PCDHA7: variants seen among roughly 807,000 people sequenced by gnomAD.
PCDHA7 encodes protocadherin alpha-7.
In PCDHA7, 37 loss-of-function variants were observed where a neutral mutation model predicts 57.2. The observed-to-expected ratio is 0.65, with a 90% CI of 0.50 to 0.85. The LOEUF (loss-of-function observed/expected upper bound fraction) is 0.85. Among genes scored for constraint, PCDHA7 ranks in the 40% least tolerant of loss-of-function variants. The probability of loss-of-function intolerance (pLI) is 0.00; values close to 1 mark genes in which losing one functional copy is unlikely to be tolerated. For synonymous variants in PCDHA7, 553 were observed against 558.8 expected, an observed-to-expected ratio of 0.99 and a Z score of 0.15; for missense variants, 1,188 against 1,241.8, an observed-to-expected ratio of 0.96 and a Z score of 0.65.
intron 1 of PCDHA7, among the ~76,000 whole-genome samples, chr5:140,873,178 T>C (rs2054146585): frequency 6.6e-6 from 1 of 152,190 alleles, no homozygotes; most frequent in Non-Finnish European, 1.5e-5. Context: ...TTTTGTATCA[T>C]AATATTCATT....
intron 1 of PCDHA7, among the ~76,000 whole-genome samples, chr5:140,905,582 A>C (rs1281901890): frequency 1.3e-5 from 2 of 152,068 alleles, no homozygotes; most frequent in South Asian, 2.1e-4. Flanking sequence ...AATGATAATG[A>C]TATTTTGCTG....
intron 1 of PCDHA7, among the ~76,000 whole-genome samples, chr5:140,943,257 CA>C (rs1238620023): frequency 1.6e-3 from 121 of 77,534 alleles, no homozygotes; most frequent in Middle Eastern, 7.2e-3. Flanking sequence ...GACTCTGTCT[CA>C]AAAAAAAAAA....
intron 3 of PCDHA7, among the ~76,000 whole-genome samples, chr5:140,996,253 A>C (rs2153938437): frequency 6.6e-6 from 1 of 152,370 alleles, no homozygotes; most frequent in African/African-American, 2.4e-5. Flanking sequence ...AAGTGACAGC[A>C]ACACAGAGCC....
intron 1 of PCDHA7, among the ~76,000 whole-genome samples, chr5:140,913,425 G>A (rs919355007): frequency 1.1e-4 from 16 of 152,094 alleles, no homozygotes; most frequent in African/African-American, 1.2e-4. Context: ...AGTATCAGTT[G>A]TAATGCCTCC....
At chr5:140,888,108 T>C (rs1554183322) in intron 1 of PCDHA7, among the ~76,000 whole-genome samples, 1 of 152,248 alleles carries the variant, frequency 6.6e-6, no homozygotes, top group Non-Finnish European at 1.5e-5. Flanking sequence ...CTTCTTTTAA[T>C]CTATCTTCTT....
rs1160090879 is a variant in PCDHA7 at position 140,834,806 on chromosome 5, C to T, written c.423C>T (p.Phe141=). 3 of 1,612,728 alleles carry T rather than the reference C, an allele frequency of 1.9e-6. No homozygotes were observed. Among genetic ancestry groups the T allele is most frequent in the African/African-American group, 1.3e-5 (1 of 74,502 alleles). Residue 141 remains phenylalanine (F), a synonymous_variant, in exon 1 of 4, where the codon TTC becomes TTT. Coordinates refer to ENST00000525929, the MANE Select transcript of PCDHA7 (RefSeq NM_018910.3). ...PVFPATQRNL[F]IAESRPLDSR... is the part of the protein sequence containing the mutation. ...TCCCAGCGACACAAAGGAATCTGTT[C>T]ATCGCGGAATCCAGGCCGCTTGACT... is the stretch of plus-strand genomic sequence containing the variant.
Position 140,875,458 on chromosome 5 carries a change from C to T in PCDHA7, c.2355+38720C>T, listed in dbSNP as rs149655466. ...AAAACTGATTGTCCCAACTCAGAGG[C>T]CCTCATTTTCTGCAATGGTGATTAT... On this transcript the variant is annotated intron_variant, in intron 1 of 3. Transcript: ENST00000525929. The T allele has an allele frequency of 1.1e-3, 1,729 of 1,596,942 alleles. 10 individuals are homozygous for T. In the African/African-American group the frequency reaches 0.015, roughly 14 times the overall value.
At chr5:140,937,658 A>T (rs1045534345) in intron 1 of PCDHA7, among the ~76,000 whole-genome samples, 2 of 151,280 alleles carry the variant, frequency 1.3e-5, no homozygotes, top group Non-Finnish European at 2.9e-5. Flanking sequence ...CACGCCTGTA[A>T]TCCCAGCACT....
chr5:140,992,363 G>T (rs1028043863), intron 3 of PCDHA7, among the ~76,000 whole-genome samples: 2 of 152,136 alleles, frequency 1.3e-5, no homozygotes, highest in Non-Finnish European at 2.9e-5. Context: ...GAGAAAAATG[G>T]TTCCCATTAC....
At position 140,862,713 on chromosome 5, in the gene PCDHA7, C is replaced by A. The variant is rs573467283; in HGVS notation, c.2355+25975C>A. 517 of 561,852 alleles carry A rather than the reference C, an allele frequency of 9.2e-4. 1 individual carries two copies. The highest frequency in any genetic ancestry group is 1.7e-3 in the Non-Finnish European group (476 of 284,834). 34.8% of individuals were successfully genotyped at this position (561,852 alleles called of 1,614,324 possible). ...ACTCGTTGATGGAACAGCGGGTGGG[C>A]GAGTGCGCGCTGTCTAGCTATGTGT... On this transcript the variant is annotated intron_variant, in intron 1 of 3. Transcript: ENST00000525929.
chr5:140,941,285 T>C (rs1563188656), intron 1 of PCDHA7, among the ~76,000 whole-genome samples: 1 of 119,964 alleles, frequency 8.3e-6, no homozygotes, highest in African/African-American at 2.9e-5. Flanking sequence ...TTCCTTCCTT[T>C]CTCTTTCTTT....
intron 3 of PCDHA7, among the ~76,000 whole-genome samples, chr5:141,005,688 C>T (rs1411519222): frequency 2.8e-5 from 3 of 107,694 alleles, no homozygotes; most frequent in African/African-American, 7.9e-5. Context: ...GGCGACAGAG[C>T]GAAACTCCGT....
At chr5:140,986,355 T>G (rs1381730343) in intron 3 of PCDHA7, among the ~76,000 whole-genome samples, 6 of 152,154 alleles carry the variant, frequency 3.9e-5, no homozygotes, top group African/African-American at 1.4e-4. Context: ...CTTCTTCAGA[T>G]GGAGGAATGC....
At chr5:140,869,228 G>T (rs782726206) in intron 1 of PCDHA7, 1 of 1,613,764 alleles carries the variant, frequency 6.2e-7, no homozygotes, top group South Asian at 1.1e-5. Flanking sequence ...GCCAAACACG[G>T]CACCTTCGTG....
intron 1 of PCDHA7, chr5:140,858,165 C>T: frequency 6.3e-7 from 1 of 1,597,786 alleles, no homozygotes; most frequent in Non-Finnish European, 8.6e-7. Context: ...TGCGCGGTGT[C>T]CAGCTTGCTG....
intron 1 of PCDHA7, chr5:140,928,017 C>T (rs782665827): frequency 1.2e-6 from 2 of 1,614,064 alleles, no homozygotes; most frequent in East Asian, 4.5e-5. Flanking sequence ...ATGGTAGGGT[C>T]ATTTGTGGCA....
intron 1 of PCDHA7, among the ~76,000 whole-genome samples, chr5:140,956,385 T>C (rs1313427005): frequency 6.6e-6 from 1 of 152,198 alleles, no homozygotes; most frequent in Non-Finnish European, 1.5e-5. Flanking sequence ...ATCGAAGGCC[T>C]TTTCTGAATC....
intron 1 of PCDHA7, chr5:140,857,594 G>T (rs1554150300): frequency 6.3e-7 from 1 of 1,596,514 alleles, no homozygotes; most frequent in Admixed American, 1.7e-5. Context: ...GAGCGGCAAG[G>T]TGTACGCGCT....
At chr5:140,850,643 G>T in intron 1 of PCDHA7, 1 of 1,598,690 alleles carries the variant, frequency 6.3e-7, no homozygotes, top group Non-Finnish European at 8.6e-7. Flanking sequence ...TCACGCTGCT[G>T]CTGTACACTG....
Sources: gnomAD v4.1 joint callset for allele counts (sites outside exome capture counted in the v4.1 genomes callset) on GRCh38, gnomAD v4.1.1 for gene constraint, MANE v1.5 for transcripts, NCBI Gene and HGNC (gene_info 2026-07-23, HGNC 2026-07-21) for gene names.